The following SGCZ variants were observed in gnomAD, a reference collection of about 807,000 sequenced individuals.
The protein encoded by SGCZ is zeta-sarcoglycan.
In SGCZ, 40 loss-of-function variants were observed where a neutral mutation model predicts 41.3. The ratio of observed to expected loss-of-function variants is 0.97; its 90% confidence interval spans 0.75 to 1.26. SGCZ has a LOEUF of 1.26. Ranked by LOEUF, SGCZ falls within the 50% of genes most tolerant of loss-of-function variation. The probability of loss-of-function intolerance (pLI) is 0.00; values close to 1 mark genes in which losing one functional copy is unlikely to be tolerated. For missense variants in SGCZ, 552 were observed against 369.8 expected, an observed-to-expected ratio of 1.49 and a Z score of -4.04; for synonymous variants, 206 against 137.5, an observed-to-expected ratio of 1.50 and a Z score of -3.49.
Position 14,087,479 on chromosome 8 carries a change from G to A in SGCZ, c.*2964C>T, listed in dbSNP as rs997017426. Among the ~76,000 whole-genome samples the A allele has an allele frequency of 5.9e-5, 9 of 151,300 alleles. No individual in the cohort carries two copies. The highest frequency in any genetic ancestry group is 2.1e-4 in the South Asian group (1 of 4,826). On this transcript the variant is annotated 3_prime_UTR_variant, in exon 8 of 8. Coordinates refer to ENST00000382080, the MANE Select transcript of SGCZ (RefSeq NM_139167.4). ...ACTACCAACCTCTTTTTCTTCTTCC[G>A]TTTGTTCCTTCCTGGCGTACACTGA...
In SGCZ at chr8:14,575,312, A is replaced by G. The variant is rs7011714; in HGVS notation, c.40-20386T>C. Reference sequence around the variant, plus strand: ...TACAGGTATGGCTACTTTGAGTTGAATGGAAATAGCAAGTGATGGGAAAAT... The same window carrying G: ...TACAGGTATGGCTACTTTGAGTTGAGTGGAAATAGCAAGTGATGGGAAAAT... On this transcript the variant is annotated intron_variant, in intron 1 of 7. Transcript: ENST00000382080. 7.2e-3 allele frequency among the ~76,000 whole-genome samples: 1,096 copies of G among 152,312 alleles called. 11 individuals are homozygous for G. The highest frequency in any genetic ancestry group is 0.025 in the African/African-American group (1,044 of 41,564).
chr8:14,282,923 C>T (rs1387147425), intron 3 of SGCZ, among the ~76,000 whole-genome samples: 2 of 137,546 alleles, frequency 1.5e-5, no homozygotes, highest in South Asian at 2.3e-4. Context: ...GATCTCAGCT[C>T]ACTGCAAGCT....
intron 1 of SGCZ, among the ~76,000 whole-genome samples, chr8:15,132,399 C>T (rs1396437980): frequency 6.6e-6 from 1 of 152,114 alleles, no homozygotes; most frequent in South Asian, 2.1e-4. Flanking sequence ...TCCCCTTATA[C>T]CAAATTTTCC....
intron 4 of SGCZ, among the ~76,000 whole-genome samples, chr8:14,232,921 T>G (rs1806623170): frequency 6.6e-6 from 1 of 152,102 alleles, no homozygotes; most frequent in African/African-American, 2.4e-5. Context: ...CATTCAGTTT[T>G]TTAATACCCA....
At chr8:15,178,640 C>A (rs114349942) in intron 1 of SGCZ, among the ~76,000 whole-genome samples, 17 of 152,258 alleles carry the variant, frequency 1.1e-4, no homozygotes, top group African/African-American at 3.6e-4. Context: ...GAACACTGTA[C>A]CCATTGATTG....
chr8:14,207,817 A>C (rs1805667645), intron 4 of SGCZ, among the ~76,000 whole-genome samples: 1 of 152,182 alleles, frequency 6.6e-6, no homozygotes, highest in Non-Finnish European at 1.5e-5. Flanking sequence ...TCTTTTGAGC[A>C]AAGCTCATAT....
intron 2 of SGCZ, among the ~76,000 whole-genome samples, chr8:14,372,084 A>C (rs964517553): frequency 1.3e-4 from 20 of 152,116 alleles, no homozygotes; most frequent in Non-Finnish European, 4.4e-5. Context: ...AAATGGAGAA[A>C]CTCTAAGGAA....
chr8:14,478,042 G>C (rs916629647), intron 2 of SGCZ, among the ~76,000 whole-genome samples: 1 of 152,208 alleles, frequency 6.6e-6, no homozygotes, highest in African/African-American at 2.4e-5. Context: ...GAAAAGCAGA[G>C]AGCACCAAAT....
intron 3 of SGCZ, among the ~76,000 whole-genome samples, chr8:14,271,543 A>G (rs1395593886): frequency 6.6e-6 from 1 of 152,208 alleles, no homozygotes; most frequent in Non-Finnish European, 1.5e-5. Context: ...TGGAATTACA[A>G]TTTTGACTTA....
At chr8:15,212,054 C>T (rs6990291) in intron 1 of SGCZ, among the ~76,000 whole-genome samples, 118,104 of 152,040 alleles carry the variant, frequency 0.78, 46,397 homozygotes, top group Non-Finnish European at 0.83. Context: ...CTCAGACGTT[C>T]GTGAATAGAA....
At chr8:14,930,141 G>GA (rs985095475) in intron 1 of SGCZ, among the ~76,000 whole-genome samples, 2 of 151,682 alleles carry the variant, frequency 1.3e-5, no homozygotes, top group African/African-American at 4.9e-5. Flanking sequence ...AAATTTACAA[G>GA]AAAAAAACAA....
At chr8:15,026,107 C>T (rs1362790869) in intron 1 of SGCZ, among the ~76,000 whole-genome samples, 1 of 151,088 alleles carries the variant, frequency 6.6e-6, no homozygotes, top group African/African-American at 2.4e-5. Context: ...CCATAGTATT[C>T]CAATAAGGTT....
chr8:14,358,900 C>T (rs1803400088), intron 2 of SGCZ, among the ~76,000 whole-genome samples: 1 of 152,114 alleles, frequency 6.6e-6, no homozygotes, highest in Non-Finnish European at 1.5e-5. Flanking sequence ...TGAGCCACTG[C>T]ACCTGGCCAG....
chr8:14,760,552 C>T (rs370717421), intron 1 of SGCZ, among the ~76,000 whole-genome samples: 57 of 152,164 alleles, frequency 3.7e-4, no homozygotes, highest in African/African-American at 6.0e-4. Context: ...ATGTAAAATA[C>T]GGCATGTAAC....
intron 1 of SGCZ, among the ~76,000 whole-genome samples, chr8:14,578,199 A>C (rs933416386): frequency 3.9e-5 from 6 of 152,182 alleles, no homozygotes; most frequent in Non-Finnish European, 7.3e-5. Flanking sequence ...GCACTGATGA[A>C]AATAAAATTC....
At chr8:14,356,857 A>C (rs1803315247) in intron 2 of SGCZ, among the ~76,000 whole-genome samples, 1 of 152,080 alleles carries the variant, frequency 6.6e-6, no homozygotes, top group Admixed American at 6.5e-5. Flanking sequence ...TATTTTTTCT[A>C]ATTGCAATTT....
At chr8:14,553,672 G>T (rs570474921) in intron 2 of SGCZ, among the ~76,000 whole-genome samples, 2 of 151,908 alleles carry the variant, frequency 1.3e-5, no homozygotes, top group African/African-American at 2.4e-5. Flanking sequence ...ACGGCAGCTA[G>T]GGTCATTTTC....
intron 1 of SGCZ, among the ~76,000 whole-genome samples, chr8:14,789,849 T>G (rs1166063177): frequency 6.6e-6 from 1 of 152,156 alleles, no homozygotes; most frequent in Non-Finnish European, 1.5e-5. Flanking sequence ...AATTTTACAT[T>G]TACTTCCATG....
intron 2 of SGCZ, among the ~76,000 whole-genome samples, chr8:14,500,561 G>A (rs1486371153): frequency 2.6e-5 from 4 of 151,916 alleles, no homozygotes; most frequent in Non-Finnish European, 5.9e-5. Flanking sequence ...AAAGTCAACC[G>A]TGAGTTTTCT....
Sources: gnomAD v4.1 joint callset for allele counts (sites outside exome capture counted in the v4.1 genomes callset) on GRCh38, gnomAD v4.1.1 for gene constraint, MANE v1.5 for transcripts, NCBI Gene and HGNC (gene_info 2026-07-23, HGNC 2026-07-21) for gene names.